The following SEMA3A variants were observed in gnomAD, a reference collection of about 807,000 sequenced individuals.
The protein encoded by SEMA3A is semaphorin 3A, also known as semaphorin-3A.
In SEMA3A, 29 loss-of-function variants were observed where a neutral mutation model predicts 97.9. That is an observed-to-expected ratio of 0.30 (90% CI 0.22 to 0.40). SEMA3A has a LOEUF of 0.40. Ranked by LOEUF, SEMA3A falls within the 10% of genes least tolerant of loss-of-function variation. The probability of loss-of-function intolerance (pLI) is 1.00; values close to 1 mark genes in which losing one functional copy is unlikely to be tolerated. For synonymous variants in SEMA3A, 321 were observed against 323.7 expected (o/e 0.99, Z 0.09); for missense variants, 763 against 951.3 (o/e 0.80, Z 2.60).
At chr7:84,280,554 T>G (rs998686386) in intron 3 of SEMA3A, among the ~76,000 whole-genome samples, 7 of 151,754 alleles carry the variant, frequency 4.6e-5, no homozygotes, top group Admixed American at 2.0e-4. Context: ...GAGGTAGAGG[T>G]GGGCATGTCA....
At chr7:84,189,423 C>T (rs1262335296) in intron 1 of SEMA3A, among the ~76,000 whole-genome samples, 2 of 151,586 alleles carry the variant, frequency 1.3e-5, no homozygotes, top group African/African-American at 4.8e-5. Context: ...TCAGATTAAA[C>T]ATTATTCAAA....
intron 14 of SEMA3A, among the ~76,000 whole-genome samples, chr7:83,979,645 AAAGT>A (rs1789311883): frequency 6.6e-6 from 1 of 152,198 alleles, no homozygotes; most frequent in Non-Finnish European, 1.5e-5. Context: ...TGGTTATATA[AAAGT>A]AATACGAACA....
intron 1 of SEMA3A, among the ~76,000 whole-genome samples, chr7:84,181,104 ATTTCTTTC>A (rs1203741222): frequency 1.3e-5 from 2 of 151,914 alleles, no homozygotes; most frequent in African/African-American, 4.8e-5. Flanking sequence ...TCTGCCAGTG[ATTTCTTTC>A]TTTTGCCCCC....
chr7:84,413,653 C>CA (rs1302013513), intron 1 of SEMA3A, among the ~76,000 whole-genome samples: 2 of 151,500 alleles, frequency 1.3e-5, no homozygotes, highest in Admixed American at 6.6e-5. Context: ...AACAAACAAA[C>CA]AAAAAAACAC....
intron 3 of SEMA3A, among the ~76,000 whole-genome samples, chr7:84,203,526 A>ATATATATATATATTTTTTTT (rs372380784): frequency 7.8e-5 from 2 of 25,672 alleles, no homozygotes; most frequent in Non-Finnish European, 1.4e-4. Flanking sequence ...ATATATATAT[A>ATATATATATATATTTTTTTT]TTTTTTTTTT....
At chr7:84,340,010 A>G (rs1802124392) in intron 2 of SEMA3A, among the ~76,000 whole-genome samples, 1 of 152,150 alleles carries the variant, frequency 6.6e-6, no homozygotes, top group Non-Finnish European at 1.5e-5. Flanking sequence ...GGATTAAAAA[A>G]CATCACTTTA....
At chr7:84,166,596 G>T (rs867252313) in intron 1 of SEMA3A, among the ~76,000 whole-genome samples, 23 of 151,370 alleles carry the variant, frequency 1.5e-4, no homozygotes, top group Admixed American at 4.6e-4. Flanking sequence ...TTGCCGGGGG[G>T]GCGCAGTGGC....
At chr7:84,112,553 A>G (rs1481929340) in intron 3 of SEMA3A, among the ~76,000 whole-genome samples, 1 of 152,188 alleles carries the variant, frequency 6.6e-6, no homozygotes, top group Non-Finnish European at 1.5e-5. Context: ...ACCAGTAAGA[A>G]GACTTGTGAA....
chr7:84,447,616 G>A (rs953647322), intron 1 of SEMA3A, among the ~76,000 whole-genome samples: 2 of 152,096 alleles, frequency 1.3e-5, no homozygotes, highest in Admixed American at 6.5e-5. Context: ...ACCTGCCTGT[G>A]GAAAGGAGCT....
At chr7:84,340,731 G>A (rs1348155640) in intron 2 of SEMA3A, among the ~76,000 whole-genome samples, 79 of 140,998 alleles carry the variant, frequency 5.6e-4, no homozygotes, top group African/African-American at 2.0e-3. Flanking sequence ...AGTGAGCCGA[G>A]ATCACACCAT....
intron 2 of SEMA3A, among the ~76,000 whole-genome samples, chr7:84,307,766 C>CT (rs753909462): frequency 4.6e-5 from 7 of 152,056 alleles, no homozygotes; most frequent in Admixed American, 1.3e-4. Context: ...AAAGCTTTTC[C>CT]TTTTTTTCTG....
chr7:84,254,729 C>T lies in SEMA3A; in HGVS notation c.-83+52478G>A, dbSNP rs367750580. Among the ~76,000 whole-genome samples the T allele has an allele frequency of 5.3e-5, 8 of 152,210 alleles. No homozygotes were observed. The East Asian group carries it at 1.5e-3, about 29-fold the overall frequency. ...ACTTTCTGTGTAATCACCACCCAGTCAAGATATGGAATTACCTATAACCCT... is the reference window on the plus strand; with the variant it reads ...ACTTTCTGTGTAATCACCACCCAGTTAAGATATGGAATTACCTATAACCCT... On this transcript the variant is annotated intron_variant, in intron 3 of 3. Transcript: ENST00000424555.
At chr7:84,133,886 TAAAAA>T (rs60263065) in intron 2 of SEMA3A, among the ~76,000 whole-genome samples, 13 of 78,856 alleles carry the variant, frequency 1.6e-4, no homozygotes, top group African/African-American at 5.7e-4. Context: ...TCGTCTCTAC[TAAAAA>T]AAAAAAAAAA....
At chr7:84,451,610 T>C (rs36005395) in intron 1 of SEMA3A, among the ~76,000 whole-genome samples, 80 of 152,210 alleles carry the variant, frequency 5.3e-4, no homozygotes, top group Non-Finnish European at 1.0e-3. Flanking sequence ...CTAAGCTCTC[T>C]TGTTTATAAA....
At position 84,038,787 on chromosome 7, in the gene SEMA3A, G is replaced by A. The variant is rs539606446; in HGVS notation, c.667+7537C>T. 2.8e-4 allele frequency among the ~76,000 whole-genome samples: 43 copies of A among 152,156 alleles called. No individual in the cohort carries two copies. In the South Asian group the frequency reaches 8.7e-3, roughly 31 times the overall value. ...TTAAGTTTATTAAGTTATAAGTATT[G>A]TACTTACTAGAGATAAATTAACACG... is the stretch of plus-strand genomic sequence containing the variant. On this transcript the variant is annotated intron_variant, in intron 6 of 16. Coordinates refer to ENST00000265362, the MANE Select transcript of SEMA3A (RefSeq NM_006080.3).
At chr7:84,346,590 T>C (rs1430010784) in intron 2 of SEMA3A, among the ~76,000 whole-genome samples, 1 of 152,176 alleles carries the variant, frequency 6.6e-6, no homozygotes, top group Non-Finnish European at 1.5e-5. Context: ...CAGACATCGA[T>C]AAATGGCTGG....
chr7:84,368,945 T>A (rs770203008), intron 2 of SEMA3A, among the ~76,000 whole-genome samples: 1 of 151,000 alleles, frequency 6.6e-6, no homozygotes, highest in Non-Finnish European at 1.5e-5. Flanking sequence ...CAATCATGAA[T>A]CTTCAGTATA....
At chr7:84,425,063 A>G (rs1804757448) in intron 1 of SEMA3A, among the ~76,000 whole-genome samples, 1 of 104,986 alleles carries the variant, frequency 9.5e-6, no homozygotes, top group Non-Finnish European at 1.7e-5. Context: ...TATAATTATA[A>G]TTTATAAATA....
At chr7:84,150,036 T>C (rs2116110173) in intron 1 of SEMA3A, among the ~76,000 whole-genome samples, 1 of 152,342 alleles carries the variant, frequency 6.6e-6, no homozygotes, top group East Asian at 1.9e-4. Flanking sequence ...ATGAGTATCT[T>C]TGTCAATCAC....
Sources: gnomAD v4.1 joint callset for allele counts (sites outside exome capture counted in the v4.1 genomes callset) on GRCh38, gnomAD v4.1.1 for gene constraint, MANE v1.5 for transcripts, NCBI Gene and HGNC (gene_info 2026-07-23, HGNC 2026-07-21) for gene names.